SLC8A1: variants seen among roughly 807,000 people sequenced by gnomAD.
The protein encoded by SLC8A1 is sodium/calcium exchanger 1.
Under a neutral mutation model 68.3 loss-of-function variants are expected in SLC8A1, and 18 were observed. The ratio of observed to expected loss-of-function variants is 0.26; its 90% CI spans 0.18 to 0.39. SLC8A1 has a LOEUF of 0.39. SLC8A1 is among the 10% of genes least tolerant of loss of function. The pLI, the probability that SLC8A1 is intolerant of heterozygous loss-of-function variation, is 1.00. For synonymous variants in SLC8A1, 475 were observed against 415.5 expected (o/e 1.14, Z -1.74); for missense variants, 985 against 1,156.7 (o/e 0.85, Z 2.15).
chr2:40,175,240 T>C (rs1232397310), intron 3 of SLC8A1, 21 bp downstream of exon 4: 1 of 1,610,438 alleles, frequency 6.2e-7, no homozygotes, highest in East Asian at 2.2e-5. Flanking sequence ...GGAAAGGAAA[T>C]GCAAGAAATG....
chr2:40,188,447 T>A (rs1408918486), intron 2 of SLC8A1, among the ~76,000 whole-genome samples: 1 of 152,202 alleles, frequency 6.6e-6, no homozygotes, highest in East Asian at 1.9e-4. Context: ...AGAATGACAA[T>A]GAAATTGATG....
At chr2:40,226,258 G>C (rs1022827066) in intron 2 of SLC8A1, among the ~76,000 whole-genome samples, 1 of 152,114 alleles carries the variant, frequency 6.6e-6, no homozygotes, top group African/African-American at 2.4e-5. Context: ...AGCCTTGCTG[G>C]ATTTGTGCAA....
At chr2:40,297,478 A>G (rs2070621476) in intron 2 of SLC8A1, among the ~76,000 whole-genome samples, 1 of 152,194 alleles carries the variant, frequency 6.6e-6, no homozygotes, top group Admixed American at 6.5e-5. Context: ...TGGGACGATG[A>G]CCCATTTTTT....
intron 2 of SLC8A1, among the ~76,000 whole-genome samples, chr2:40,389,737 G>T (rs907765398): frequency 6.6e-6 from 1 of 151,540 alleles, no homozygotes; most frequent in Admixed American, 6.6e-5. Context: ...GGAAGCAAAA[G>T]AAAGTTTAAA....
chr2:40,140,385 C>T (rs2041320894), intron 6 of SLC8A1, among the ~76,000 whole-genome samples: 1 of 152,230 alleles, frequency 6.6e-6, no homozygotes, highest in South Asian at 2.1e-4. Flanking sequence ...TTAAGACTCG[C>T]TTCCTCTGTG....
At chr2:40,277,794 G>GTGTGTA (rs907874659) in intron 2 of SLC8A1, among the ~76,000 whole-genome samples, 2 of 108,008 alleles carry the variant, frequency 1.9e-5, no homozygotes, top group African/African-American at 6.6e-5. Flanking sequence ...ATATATGTGT[G>GTGTGTA]TATATATATA....
chr2:40,156,374 G>GAGTC (rs2044498309), intron 6 of SLC8A1, among the ~76,000 whole-genome samples: 1 of 114,178 alleles, frequency 8.8e-6, no homozygotes, highest in African/African-American at 3.3e-5. Context: ...TTTTTTTTTT[G>GAGTC]AGTCACTTTT....
intron 1 of SLC8A1, among the ~76,000 whole-genome samples, chr2:40,433,473 C>G (rs2149799250): frequency 6.6e-6 from 1 of 152,234 alleles, no homozygotes; most frequent in East Asian, 1.9e-4. Context: ...GCTAAATTGT[C>G]TCTATACATA....
At chr2:40,305,056 T>C (rs2072310405) in intron 2 of SLC8A1, among the ~76,000 whole-genome samples, 1 of 152,202 alleles carries the variant, frequency 6.6e-6, no homozygotes. Context: ...AATTCTGCAT[T>C]TCTAACAACT....
chr2:40,463,315 C>T (rs189899683), intron 1 of SLC8A1, among the ~76,000 whole-genome samples: 4 of 152,216 alleles, frequency 2.6e-5, no homozygotes, highest in African/African-American at 7.2e-5. Flanking sequence ...TTCTAATGCA[C>T]GCAGCCAGTG....
chr2:40,467,300 G>T (rs547588424), intron 1 of SLC8A1, among the ~76,000 whole-genome samples: 1 of 152,078 alleles, frequency 6.6e-6, no homozygotes, highest in African/African-American at 2.4e-5. Context: ...GTGTGTTGGA[G>T]CACTGATGTA....
At chr2:40,405,492 T>G (rs183496502) in intron 2 of SLC8A1, among the ~76,000 whole-genome samples, 2 of 152,332 alleles carry the variant, frequency 1.3e-5, no homozygotes, top group East Asian at 3.9e-4. Context: ...TGTCCGCTTT[T>G]CCAGCACATC....
chr2:40,354,475 T>A (rs1672079864), intron 2 of SLC8A1, among the ~76,000 whole-genome samples: 6 of 152,096 alleles, frequency 3.9e-5, no homozygotes, highest in Admixed American at 3.9e-4. Flanking sequence ...TGGGGGTGGT[T>A]GTGGCATTTG....
intron 2 of SLC8A1, among the ~76,000 whole-genome samples, chr2:40,278,863 GT>G (rs996930810): frequency 3.9e-5 from 6 of 151,952 alleles, no homozygotes; most frequent in Admixed American, 1.3e-4. Flanking sequence ...TTATTAAAAG[GT>G]TTTTTTTAAA....
intron 1 of SLC8A1, among the ~76,000 whole-genome samples, chr2:40,479,838 T>C (rs752759951): frequency 1.3e-5 from 2 of 152,194 alleles, no homozygotes; most frequent in Non-Finnish European, 2.9e-5. Context: ...CTTGCATTGT[T>C]TGTCCCTTCA....
At chr2:40,158,945 T>G (rs1458612322) in intron 6 of SLC8A1, among the ~76,000 whole-genome samples, 1 of 152,198 alleles carries the variant, frequency 6.6e-6, no homozygotes, top group Non-Finnish European at 1.5e-5. Context: ...ACACTGGCCT[T>G]GTTGGCAGCA....
At chr2:40,243,864 GAGTCTAAGTGCTAGATAA>G (rs1462558337) in intron 2 of SLC8A1, among the ~76,000 whole-genome samples, 1 of 152,130 alleles carries the variant, frequency 6.6e-6, no homozygotes, top group African/African-American at 2.4e-5. Context: ...TCCCTCTGAT[GAGTCTAAGTGCTAGATAA>G]ACAAACATTA....
chr2:40,195,173 T>G (rs1381243499), intron 2 of SLC8A1, among the ~76,000 whole-genome samples: 1 of 152,078 alleles, frequency 6.6e-6, no homozygotes, highest in African/African-American at 2.4e-5. Flanking sequence ...AGTTAGAAAG[T>G]CAAATATGAC....
intron 2 of SLC8A1, among the ~76,000 whole-genome samples, chr2:40,351,907 G>T (rs529770187): frequency 9.1e-4 from 138 of 152,224 alleles, no homozygotes; most frequent in Non-Finnish European, 1.4e-3. Flanking sequence ...CAAATTAAAT[G>T]GTTTTCTGAG....
Sources: gnomAD v4.1 joint callset for allele counts (sites outside exome capture counted in the v4.1 genomes callset) on GRCh38, gnomAD v4.1.1 for gene constraint, MANE v1.5 for transcripts, NCBI Gene and HGNC (gene_info 2026-07-23, HGNC 2026-07-21) for gene names.